The following SUPT20H variants were observed in gnomAD, a reference collection of about 807,000 sequenced individuals.
SUPT20H encodes transcription factor SPT20 homolog.
SUPT20H carries 82 observed loss-of-function variants against 122.8 expected under a neutral mutation model. The observed-to-expected ratio is 0.67, with a 90% CI of 0.56 to 0.80. The LOEUF (loss-of-function observed/expected upper bound fraction) is 0.80. Ranked by LOEUF, SUPT20H falls within the 30% of genes least tolerant of loss-of-function variation. SUPT20H has a pLI of 0.00. For missense variants in SUPT20H, 831 were observed against 921.6 expected, an observed-to-expected ratio of 0.90 and a Z score of 1.27; for synonymous variants, 291 against 313.0, an observed-to-expected ratio of 0.93 and a Z score of 0.74.
At position 37,022,230 on chromosome 13, in the gene SUPT20H, G is replaced by GTAC; in HGVS notation, c.1592-153_1592-151dup. On this transcript the variant is annotated intron_variant, in intron 19 of 25. Coordinates refer to ENST00000350612, the MANE Select transcript of SUPT20H (RefSeq NM_001014286.3). The surrounding 1 kb of genome is among the most constrained non-coding windows in gnomAD (Gnocchi z 4.5). The stretch of plus-strand genomic sequence containing the variant: ...TTGGGGAGTAGGGGTGGCTGAAGGG[G>GTAC]TACTAGGAGTTGAGCTCTGAGCATC... 1.3e-6 allele frequency: 2 copies of GTAC among 1,564,314 alleles called. No homozygotes were observed. The highest frequency in any genetic ancestry group is 1.7e-6 in the Non-Finnish European group (2 of 1,154,046).
intron 21 of SUPT20H, 25 bp from the exon 22 acceptor site, chr13:37,019,422 A>G: frequency 5.9e-6 from 9 of 1,538,314 alleles, no homozygotes; most frequent in Non-Finnish European, 7.9e-6. Context: ...TCATGGTTAT[A>G]ACAGAATTGA....
chr13:37,031,944 A>C, intron 10 of SUPT20H, 49 bp from the exon 11 acceptor site: 28 of 1,507,190 alleles, frequency 1.9e-5, no homozygotes, highest in South Asian at 2.7e-5. Flanking sequence ...AAAGAAACTC[A>C]TAATATATGT....
intron 1 of SUPT20H, among the ~76,000 whole-genome samples, chr13:37,055,813 C>T (rs1594622385): frequency 6.6e-6 from 1 of 152,098 alleles, no homozygotes; most frequent in African/African-American, 2.4e-5. Flanking sequence ...AAGAAACTAC[C>T]ATCAGAGTGA....
At chr13:37,043,993 A>G in intron 7 of SUPT20H, 85 bp downstream of exon 7, 1 of 767,626 alleles carries the variant, frequency 1.3e-6, no homozygotes. Context: ...ATATACATAT[A>G]TGTATACATA....
rs2061098083 is a variant in SUPT20H, at chr13:37,019,393, A to T, written c.1821T>A (p.Val607=). ...SAMQAASQAG[V]PFGLKNTSSL... is the part of the protein sequence containing the mutation. ...TTGAAGTATTTTTTAAACCAAATGG[A>T]ACACCTGTTAAATAAAACTCATGGT... The change falls in exon 22 of 26, where the codon GTT becomes GTA. Residue 607 remains valine (V), a synonymous_variant. Coordinates refer to ENST00000350612, the MANE Select transcript of SUPT20H (RefSeq NM_001014286.3). 6.2e-7 allele frequency: 1 copy of T among 1,601,200 alleles called. No homozygotes were observed. The highest frequency in any genetic ancestry group is 8.5e-7 in the Non-Finnish European group (1 of 1,174,606).
Position 37,028,284 on chromosome 13 carries a change from A to G in SUPT20H, c.1015T>C (p.Phe339Leu), listed in dbSNP as rs766612846. Residue 339 changes from phenylalanine to leucine, a missense_variant, in exon 14 of 26, where the codon TTT (phenylalanine) becomes CTT (leucine). By Grantham distance (22) the Phe-to-Leu change is conservative. Transcript: ENST00000350612. ...PAHDVKDDYV[F>L]ECEAGTQYQK... ...TACTGAGTACCAGCTTCACATTCAA[A>G]TACATAATCATCTTTTACATCCTGA... The G allele has an allele frequency of 6.2e-7, 1 of 1,609,936 alleles. No individual in the cohort carries two copies. Among genetic ancestry groups the G allele is most frequent in the Non-Finnish European group, 8.5e-7 (1 of 1,178,814 alleles).
intron 1 of SUPT20H, among the ~76,000 whole-genome samples, chr13:37,055,924 A>T (rs930541712): frequency 6.6e-6 from 1 of 152,234 alleles, no homozygotes; most frequent in African/African-American, 2.4e-5. Context: ...CTTCCAAGGA[A>T]AAAACAAACA....
chr13:37,012,501 AG>A, intron 23 of SUPT20H: 1 of 422,490 alleles, frequency 2.4e-6, no homozygotes. Context: ...TTCATTTTTC[AG>A]TGCATCTGTA....
At position 37,021,567 on chromosome 13, in the gene SUPT20H, A is replaced by T; in HGVS notation, c.1697T>A (p.Met566Lys). Reference sequence around the variant, plus strand: ...TATGGCACCAGTGTTACAGCCCAGCATGGGGTTTGAACCACTCATCAAAGC... The same window carrying T: ...TATGGCACCAGTGTTACAGCCCAGCTTGGGGTTTGAACCACTCATCAAAGC... ...AQALMSGSNP[M>K]LGCNTGAITP... The change falls in exon 21 of 26, where the codon ATG becomes AAG. Residue 566 changes from methionine (M) to lysine (K), a missense_variant. Physicochemically the swap from Met to Lys is moderately conservative, Grantham distance 95 (BLOSUM62 -1). Transcript: ENST00000350612. 6.2e-7 allele frequency: 1 copy of T among 1,613,460 alleles called. No individual in the cohort carries two copies. The highest frequency in any genetic ancestry group is 1.1e-5 in the South Asian group (1 of 91,030).
intron 9 of SUPT20H, among the ~76,000 whole-genome samples, chr13:37,036,624 GATT>G (rs1317463649): frequency 6.6e-6 from 1 of 151,994 alleles, no homozygotes; most frequent in African/African-American, 2.4e-5. Flanking sequence ...CCAGCTAGGA[GATT>G]TTTTTCAATA....
At chr13:37,040,230 T>C (rs1193254363) in intron 9 of SUPT20H, 175 bp downstream of exon 9, 2 of 542,584 alleles carry the variant, frequency 3.7e-6, no homozygotes, top group Non-Finnish European at 6.3e-6. Context: ...GAGGGATTAC[T>C]ACACATATAA....
chr13:37,012,115 A>G, intron 24 of SUPT20H, 77 bp downstream of exon 24: 1 of 1,170,992 alleles, frequency 8.5e-7, no homozygotes, highest in Non-Finnish European at 1.2e-6. Context: ...GGAAAAGAAA[A>G]TAATTTAAGC....
At chr13:37,054,049 C>T (rs1250978258) in intron 1 of SUPT20H, among the ~76,000 whole-genome samples, 1 of 152,180 alleles carries the variant, frequency 6.6e-6, no homozygotes, top group South Asian at 2.1e-4. Flanking sequence ...ACACATACAC[C>T]CTCCCAAGAC....
At chr13:37,045,755 G>A (rs555775685) in intron 5 of SUPT20H, among the ~76,000 whole-genome samples, 5 of 152,084 alleles carry the variant, frequency 3.3e-5, no homozygotes, top group Non-Finnish European at 7.4e-5. Flanking sequence ...CTAAGTAGAA[G>A]TCTAACCTAA....
intron 5 of SUPT20H, 21 bp from the exon 6 acceptor site, chr13:37,045,394 G>A (rs2066240260): frequency 3.7e-6 from 6 of 1,611,450 alleles, no homozygotes; most frequent in Non-Finnish European, 5.1e-6. Context: ...AAGAGGCAGA[G>A]CTCATGAAAA....
intron 5 of SUPT20H, among the ~76,000 whole-genome samples, chr13:37,046,124 A>G (rs2066372102): frequency 6.6e-6 from 1 of 152,134 alleles, no homozygotes; most frequent in African/African-American, 2.4e-5. Context: ...TAGTAAATAT[A>G]TATTAAACAT....
Position 37,031,754 on chromosome 13 carries a change from A to C in SUPT20H, c.849T>G (p.Ile283Met). The C allele has an allele frequency of 6.3e-7, 1 of 1,592,328 alleles. No homozygotes were observed. The highest frequency in any genetic ancestry group is 8.5e-7 in the Non-Finnish European group (1 of 1,173,842). ...RKAGQHYDLKISKAGNCVDMW... is the reference protein window; with the variant it reads ...RKAGQHYDLKMSKAGNCVDMW... ...ATATACTTACATTTCCTGCCTTAGA[A>C]ATTTTGAGGTCATAATGCTGACCTG... Residue 283 changes from isoleucine (I) to methionine (M), a missense_variant, in exon 11 of 26, where the codon ATT (isoleucine) becomes ATG (methionine). Coordinates refer to ENST00000350612, the MANE Select transcript of SUPT20H (RefSeq NM_001014286.3).
intron 2 of SUPT20H, among the ~76,000 whole-genome samples, chr13:37,049,196 T>A (rs1241285264): frequency 2.0e-5 from 3 of 152,152 alleles, no homozygotes; most frequent in Non-Finnish European, 4.4e-5. Context: ...AAATATGCTA[T>A]CAATTCTAAG....
Position 37,040,401 on chromosome 13 carries a change from T to C in SUPT20H, c.567+4A>G. 6.4e-7 allele frequency: 1 copy of C among 1,559,724 alleles called. No individual in the cohort carries two copies. ...GTTTGAGATTAAAAAACAAAACAAC[T>C]AACCTGGGTCCATTTGTGGTTATCA... On this transcript the variant is annotated splice_donor_region_variant and intron_variant, in intron 9 of 25. Coordinates refer to ENST00000350612, the MANE Select transcript of SUPT20H (RefSeq NM_001014286.3).
Sources: allele counts gnomAD v4.1 joint callset (sites outside exome capture counted in the v4.1 genomes callset), GRCh38; gene constraint gnomAD v4.1.1; non-coding constraint Gnocchi (gnomAD v3.1); transcripts MANE v1.5; gene names NCBI Gene and HGNC (gene_info 2026-07-23, HGNC 2026-07-21).